Variants in C1orf105 observed in about 807,000 individuals in gnomAD.
C1orf105 encodes the protein uncharacterized protein C1orf105.
In C1orf105, 17 loss-of-function variants were observed where a neutral mutation model predicts 20.8. The observed-to-expected ratio is 0.82, with a 90% CI of 0.56 to 1.23. The LOEUF is 1.23. Ranked by LOEUF, C1orf105 falls within the 50% of genes most tolerant of loss-of-function variation. The probability of loss-of-function intolerance (pLI) is 0.00; values close to 1 mark genes in which losing one functional copy is unlikely to be tolerated. For missense variants in C1orf105, 219 were observed against 213.5 expected (o/e 1.03, Z -0.16); for synonymous variants, 72 against 72.1 (o/e 1.00, Z 0.01).
intron 5 of C1orf105, among the ~76,000 whole-genome samples, chr1:172,465,008 C>A (rs1649938302): frequency 6.6e-6 from 1 of 152,152 alleles, no homozygotes; most frequent in East Asian, 1.9e-4. Context: ...CATGGTGAAA[C>A]CCCATCTCTA....
At chr1:172,443,799 TG>T in intron 1 of C1orf105, 1 of 242,294 alleles carries the variant, frequency 4.1e-6, no homozygotes, top group Non-Finnish European at 7.3e-6. Context: ...GCCCGCAGAG[TG>T]GGGCTGGGAG....
In C1orf105 at chr1:172,468,790, T is replaced by C; in HGVS notation, c.*196T>C. 2.1e-6 allele frequency: 1 copy of C among 468,072 alleles called. No individual in the cohort carries two copies. The highest frequency in any genetic ancestry group is 1.9e-5 in the African/African-American group (1 of 51,470). The allele number at this position is 468,072 out of a possible 1,614,324, so 29.0% of individuals were successfully genotyped here. A position where few individuals can be genotyped will look rare whatever the true frequency, so the allele number is the denominator to read the frequency against. ...CACGTCTCCTAAAGACAAAATTGTT[T>C]AATTTACATGATTATAAAGATCTGT... On this transcript the variant is annotated 3_prime_UTR_variant, in exon 7 of 7. Transcript: ENST00000367727.
At chr1:172,448,388 G>A (rs753376117) in intron 2 of C1orf105, 53 bp from the exon 3 acceptor site, 2 of 1,215,894 alleles carry the variant, frequency 1.6e-6, no homozygotes, top group Non-Finnish European at 2.4e-6. Context: ...CAAGGGCCTG[G>A]CTCTTCAAAC....
intron 1 of C1orf105, chr1:172,430,456 T>G (rs12119394): frequency 0.02 from 11,950 of 593,380 alleles, 179 homozygotes; most frequent in Non-Finnish European, 0.027. Context: ...TTTTATTTAT[T>G]TTTGAGACAG....
intron 4 of C1orf105, among the ~76,000 whole-genome samples, chr1:172,461,597 C>T (rs2149191588): frequency 6.6e-6 from 1 of 152,236 alleles, no homozygotes; most frequent in Non-Finnish European, 1.5e-5. Flanking sequence ...TGATTTTAGG[C>T]CTATATGAAA....
At chr1:172,433,108 G>A (rs995348694) in intron 1 of C1orf105, among the ~76,000 whole-genome samples, 1 of 152,194 alleles carries the variant, frequency 6.6e-6, no homozygotes, top group Admixed American at 6.5e-5. Flanking sequence ...CAAGAAATAT[G>A]GGACTATGTG....
chr1:172,428,425 G>A (rs373639249), intron 1 of C1orf105, among the ~76,000 whole-genome samples: 8 of 152,224 alleles, frequency 5.3e-5, no homozygotes, highest in Admixed American at 3.3e-4. Context: ...ACATAATCTA[G>A]CTTCCCACGT....
chr1:172,423,386 G>A (rs910363149), intron 1 of C1orf105, among the ~76,000 whole-genome samples: 1 of 152,068 alleles, frequency 6.6e-6, no homozygotes, highest in African/African-American at 2.4e-5. Flanking sequence ...GACCACCAAG[G>A]TGGTACCTCT....
intron 3 of C1orf105, chr1:172,451,199 C>T (rs1200188282): frequency 2.6e-5 from 4 of 152,238 alleles, no homozygotes; most frequent in Admixed American, 2.6e-4. Context: ...TGTAAATTAA[C>T]TAGAGCTCCT....
At chr1:172,442,674 C>A in intron 1 of C1orf105, 1 of 1,487,008 alleles carries the variant, frequency 6.7e-7, no homozygotes, top group Non-Finnish European at 9.3e-7. Context: ...CACAGAAGTC[C>A]AGGTGGTTCT....
intron 3 of C1orf105, among the ~76,000 whole-genome samples, chr1:172,453,633 A>G (rs1209819326): frequency 6.6e-6 from 1 of 152,238 alleles, no homozygotes; most frequent in Non-Finnish European, 1.5e-5. Flanking sequence ...AGGTTCTATC[A>G]TAGGTTCTAG....
At chr1:172,463,355 A>G (rs1649826507) in intron 5 of C1orf105, among the ~76,000 whole-genome samples, 1 of 152,222 alleles carries the variant, frequency 6.6e-6, no homozygotes. Flanking sequence ...CTGTAACCTT[A>G]TGTTGCACAA....
At chr1:172,423,700 C>CA (rs1397565549) in intron 1 of C1orf105, among the ~76,000 whole-genome samples, 2 of 151,696 alleles carry the variant, frequency 1.3e-5, no homozygotes, top group African/African-American at 2.4e-5. Flanking sequence ...TGAGGAAATT[C>CA]AAAAAAATTC....
chr1:172,444,012 C>G, intron 1 of C1orf105: 4 of 1,000,254 alleles, frequency 4.0e-6, no homozygotes, highest in Non-Finnish European at 3.6e-6. Context: ...GGTTGCGCAG[C>G]TGGGGGACGG....
chr1:172,467,991 A>G (rs1650183620), intron 6 of C1orf105, among the ~76,000 whole-genome samples: 1 of 152,202 alleles, frequency 6.6e-6, no homozygotes, highest in Non-Finnish European at 1.5e-5. Flanking sequence ...TAGCCTTTTT[A>G]TAAGATCATG....
intron 3 of C1orf105, among the ~76,000 whole-genome samples, chr1:172,449,276 G>A (rs191578912): frequency 1.3e-5 from 2 of 152,254 alleles, no homozygotes; most frequent in East Asian, 1.9e-4. Context: ...TGAGTCAGCC[G>A]CAGCTACACA....
chr1:172,459,346 A>G (rs1358057011), intron 4 of C1orf105, among the ~76,000 whole-genome samples: 1 of 152,206 alleles, frequency 6.6e-6, no homozygotes, highest in Non-Finnish European at 1.5e-5. Flanking sequence ...ACTCAACAAT[A>G]AAAAGGCAAA....
At chr1:172,437,517 T>C (rs1228740273) in intron 1 of C1orf105, among the ~76,000 whole-genome samples, 1 of 134,608 alleles carries the variant, frequency 7.4e-6, no homozygotes, top group Non-Finnish European at 1.5e-5. Context: ...TTCTCACTCA[T>C]AGGTGGGATT....
chr1:172,432,373 C>T (rs1325943171), intron 1 of C1orf105, among the ~76,000 whole-genome samples: 1 of 152,202 alleles, frequency 6.6e-6, no homozygotes, highest in Admixed American at 6.5e-5. Flanking sequence ...GTGGGTGCCT[C>T]TCTGGGACGA....
Sources: allele counts gnomAD v4.1 joint callset (sites outside exome capture counted in the v4.1 genomes callset), GRCh38; gene constraint gnomAD v4.1.1; transcripts MANE v1.5; gene names NCBI Gene and HGNC (gene_info 2026-07-23, HGNC 2026-07-21).